Variants in DLGAP2 observed in about 807,000 individuals in gnomAD.
The protein encoded by DLGAP2 is DLG associated protein 2.
DLGAP2 carries 26 observed loss-of-function variants against 100.3 expected under a neutral mutation model. That is an observed-to-expected ratio of 0.26 (90% confidence interval 0.19 to 0.36). The LOEUF (loss-of-function observed/expected upper bound fraction) is 0.36. Ranked by LOEUF, DLGAP2 falls within the 10% of genes least tolerant of loss-of-function variation. The pLI, the probability that DLGAP2 is intolerant of heterozygous loss-of-function variation, is 1.00. For missense variants in DLGAP2, 1,858 were observed against 1,453.2 expected, an observed-to-expected ratio of 1.28 and a Z score of -4.53; for synonymous variants, 886 against 630.1, an observed-to-expected ratio of 1.41 and a Z score of -6.08.
In DLGAP2 at chr8:1,115,886, A is replaced by G. The variant is rs534018166; in HGVS notation, c.74-142965A>G. Among the ~76,000 whole-genome samples, 28 of 152,328 alleles carry G rather than the reference A, an allele frequency of 1.8e-4. No homozygotes were observed. The East Asian group carries it at 2.3e-3, about 13-fold the overall frequency. Reference sequence around the variant, plus strand: ...ACACACAGGGGACTGTGCCAGGTGTATGGAACGTTGTTGTCCTTTGCTCAG... The same window carrying G: ...ACACACAGGGGACTGTGCCAGGTGTGTGGAACGTTGTTGTCCTTTGCTCAG... On this transcript the variant is annotated intron_variant, in intron 2 of 14. Coordinates refer to ENST00000637795, the MANE Select transcript of DLGAP2 (RefSeq NM_001346810.2).
At chr8:772,547 T>C (rs1355550527) in intron 1 of DLGAP2, among the ~76,000 whole-genome samples, 4 of 152,126 alleles carry the variant, frequency 2.6e-5, no homozygotes, top group African/African-American at 7.2e-5. Context: ...TGTCTCAAAC[T>C]CCTCGCCTCA....
intron 1 of DLGAP2, among the ~76,000 whole-genome samples, chr8:816,617 G>C (rs1796485748): frequency 6.6e-6 from 1 of 152,048 alleles, no homozygotes; most frequent in African/African-American, 2.4e-5. Flanking sequence ...TTCCTTTATA[G>C]GTTAGCTGAT....
At chr8:836,057 G>A (rs763816911) in intron 1 of DLGAP2, among the ~76,000 whole-genome samples, 7 of 152,328 alleles carry the variant, frequency 4.6e-5, no homozygotes, top group Non-Finnish European at 7.3e-5. Flanking sequence ...TAAATGCCGA[G>A]ATGTAAAGGA....
Position 899,517 on chromosome 8 carries a change from C to G in DLGAP2, c.19-8395C>G, listed in dbSNP as rs150130696. Among the ~76,000 whole-genome samples the G allele has an allele frequency of 2.9e-4, 44 of 152,346 alleles. 1 individual carries two copies. The highest frequency in any genetic ancestry group is 1.0e-3 in the African/African-American group (42 of 41,586). Reference sequence around the variant, plus strand: ...GGCAGAGGGGAGTTCTGGTCCTGGCCTCTCTGGCTGTGTGTGTGGTGGCAG... The same window carrying G: ...GGCAGAGGGGAGTTCTGGTCCTGGCGTCTCTGGCTGTGTGTGTGGTGGCAG... On this transcript the variant is annotated intron_variant, in intron 1 of 14. Transcript: ENST00000637795.
chr8:820,779 T>G (rs1796569444), intron 1 of DLGAP2, among the ~76,000 whole-genome samples: 1 of 152,196 alleles, frequency 6.6e-6, no homozygotes, highest in Non-Finnish European at 1.5e-5. Context: ...TGCAGAATTC[T>G]TAGGAAATGG....
intron 2 of DLGAP2, among the ~76,000 whole-genome samples, chr8:1,055,445 T>A (rs1016102662): frequency 2.4e-4 from 36 of 152,362 alleles, no homozygotes; most frequent in African/African-American, 7.9e-4. Context: ...TACCTATGAA[T>A]GTGTTAGGAC....
intron 2 of DLGAP2, among the ~76,000 whole-genome samples, chr8:1,229,764 A>G (rs539717764): frequency 5.3e-5 from 8 of 152,364 alleles, no homozygotes; most frequent in East Asian, 3.9e-4. Context: ...ATTACAAACA[A>G]AAACCATACG....
chr8:1,217,464 G>T (rs1226717665), intron 2 of DLGAP2, among the ~76,000 whole-genome samples: 2 of 152,102 alleles, frequency 1.3e-5, no homozygotes, highest in East Asian at 1.9e-4. Flanking sequence ...ATTCTATTGG[G>T]TATATACCCA....
At chr8:1,106,320 G>A (rs1418330885) in intron 2 of DLGAP2, among the ~76,000 whole-genome samples, 32 of 142,432 alleles carry the variant, frequency 2.2e-4, no homozygotes, top group East Asian at 2.2e-4. Flanking sequence ...TTCTATTGAG[G>A]GGGAGCCATT....
chr8:892,352 G>A (rs534746471), intron 1 of DLGAP2, among the ~76,000 whole-genome samples: 1 of 152,232 alleles, frequency 6.6e-6, no homozygotes, highest in Non-Finnish European at 1.5e-5. Context: ...CCACACAGCC[G>A]AACATGAGTC....
chr8:1,430,168 A>T (rs760370673), intron 3 of DLGAP2, among the ~76,000 whole-genome samples: 28 of 150,946 alleles, frequency 1.9e-4, no homozygotes, highest in Admixed American at 4.0e-4. Context: ...ACTCACTTTA[A>T]AGGTGACATT....
At chr8:1,573,904 G>C (rs1034972639) in intron 6 of DLGAP2, among the ~76,000 whole-genome samples, 1 of 152,140 alleles carries the variant, frequency 6.6e-6, no homozygotes, top group Non-Finnish European at 1.5e-5. Flanking sequence ...AACAGACCCA[G>C]TGCACTTCAG....
intron 2 of DLGAP2, among the ~76,000 whole-genome samples, chr8:1,013,185 A>G (rs1272477793): frequency 6.6e-6 from 1 of 152,178 alleles, no homozygotes; most frequent in Admixed American, 6.5e-5. Context: ...ATACGTATCA[A>G]TAGTCAAGGG....
chr8:1,474,945 G>A (rs145446829), intron 3 of DLGAP2, among the ~76,000 whole-genome samples: 2 of 152,134 alleles, frequency 1.3e-5, no homozygotes. Flanking sequence ...AGACATCACA[G>A]CACTATTCGC....
chr8:1,075,636 G>A (rs1803581452), intron 2 of DLGAP2, among the ~76,000 whole-genome samples: 1 of 152,188 alleles, frequency 6.6e-6, no homozygotes, highest in Non-Finnish European at 1.5e-5. Flanking sequence ...TGACGTCCTT[G>A]ATGACCACTT....
chr8:905,543 G>A (rs965348630), intron 1 of DLGAP2, among the ~76,000 whole-genome samples: 4 of 152,282 alleles, frequency 2.6e-5, no homozygotes, highest in African/African-American at 9.6e-5. Flanking sequence ...CTGATTGCCT[G>A]AGTCCAGGGA....
intron 3 of DLGAP2, among the ~76,000 whole-genome samples, chr8:1,442,561 G>A (rs10089488): frequency 0.48 from 40,025 of 83,786 alleles, 9,083 homozygotes; most frequent in East Asian, 0.68. Flanking sequence ...GGATCCGGGC[G>A]TAGACCCGCC....
At chr8:856,185 C>CTTCTTCTTCTTCTTTTTTTTTTTTTT (rs777874707) in intron 1 of DLGAP2, among the ~76,000 whole-genome samples, 1 of 130,560 alleles carries the variant, frequency 7.7e-6, no homozygotes, top group Non-Finnish European at 1.7e-5. Context: ...TCTTCTTCTT[C>CTTCTTCTTCTTCTTTTTTTTTTTTTT]TTTTTTTTTT....
intron 2 of DLGAP2, among the ~76,000 whole-genome samples, chr8:1,215,053 A>G (rs1353440679): frequency 1.3e-5 from 2 of 152,244 alleles, no homozygotes; most frequent in Non-Finnish European, 2.9e-5. Flanking sequence ...AAGAACACAA[A>G]AGGGAAAATC....
Sources: allele counts gnomAD v4.1 joint callset (sites outside exome capture counted in the v4.1 genomes callset), GRCh38; gene constraint gnomAD v4.1.1; transcripts MANE v1.5; gene names NCBI Gene and HGNC (gene_info 2026-07-23, HGNC 2026-07-21).